The following PARD3B variants were observed in gnomAD, a reference collection of about 807,000 sequenced individuals.
The protein encoded by PARD3B is partitioning defective 3 homolog B.
PARD3B carries 103 observed loss-of-function variants against 130.2 expected under a neutral mutation model. That is an observed-to-expected ratio of 0.79 (90% CI 0.67 to 0.93). PARD3B has a LOEUF of 0.93. PARD3B is among the 40% of genes least tolerant of loss of function. The pLI, the probability that PARD3B is intolerant of heterozygous loss-of-function variation, is 0.00. For synonymous variants in PARD3B, 583 were observed against 553.2 expected (o/e 1.05, Z -0.76); for missense variants, 1,609 against 1,499.2 (o/e 1.07, Z -1.21).
chr2:205,368,322 T>C (rs1235290668), intron 18 of PARD3B, among the ~76,000 whole-genome samples: 1 of 152,166 alleles, frequency 6.6e-6, no homozygotes, highest in Admixed American at 6.5e-5. Flanking sequence ...GAATATCTGA[T>C]ATTATCAGAT....
At chr2:205,250,698 G>A (rs954565390) in intron 16 of PARD3B, among the ~76,000 whole-genome samples, 12 of 152,146 alleles carry the variant, frequency 7.9e-5, no homozygotes, top group African/African-American at 2.7e-4. Flanking sequence ...GGAGGCCAAG[G>A]CAGGTGGATC....
chr2:204,996,625 G>A (rs1303428307), intron 3 of PARD3B, among the ~76,000 whole-genome samples: 2,576 of 150,644 alleles, frequency 0.017, 35 homozygotes, highest in African/African-American at 0.039. Context: ...CGAGCTTCCC[G>A]GCTGCTTTGT....
intron 19 of PARD3B, among the ~76,000 whole-genome samples, chr2:205,411,013 A>G (rs2046578847): frequency 6.6e-6 from 1 of 152,146 alleles, no homozygotes; most frequent in East Asian, 1.9e-4. Context: ...AGCTTTTTAC[A>G]TCAGTGGTTC....
chr2:205,296,324 A>G (rs770862082), intron 16 of PARD3B, among the ~76,000 whole-genome samples: 2 of 152,162 alleles, frequency 1.3e-5, no homozygotes, highest in Admixed American at 6.5e-5. Flanking sequence ...TTTATTCTCA[A>G]TTATTCAAAT....
chr2:205,055,016 G>A (rs1055497619), intron 4 of PARD3B, among the ~76,000 whole-genome samples: 1 of 152,060 alleles, frequency 6.6e-6, no homozygotes, highest in Non-Finnish European at 1.5e-5. Context: ...TTACATGACT[G>A]CATTTTTTCA....
At chr2:204,763,835 G>A (rs2041014081) in intron 2 of PARD3B, among the ~76,000 whole-genome samples, 1 of 152,100 alleles carries the variant, frequency 6.6e-6, no homozygotes, top group Non-Finnish European at 1.5e-5. Context: ...TTTTATTTTG[G>A]AAAGATAATG....
At chr2:205,323,435 T>G (rs1225955647) in intron 18 of PARD3B, among the ~76,000 whole-genome samples, 1 of 152,136 alleles carries the variant, frequency 6.6e-6, no homozygotes, top group Non-Finnish European at 1.5e-5. Context: ...TAAGGTACAG[T>G]CCTGAGATTA....
intron 6 of PARD3B, among the ~76,000 whole-genome samples, chr2:205,114,927 TGATA>T (rs1703922341): frequency 6.6e-6 from 1 of 152,116 alleles, no homozygotes; most frequent in Non-Finnish European, 1.5e-5. Flanking sequence ...AGGTTGTTTT[TGATA>T]GATAGGGTGA....
intron 18 of PARD3B, among the ~76,000 whole-genome samples, chr2:205,332,328 A>G (rs529410129): frequency 5.0e-4 from 76 of 152,276 alleles, no homozygotes; most frequent in African/African-American, 1.8e-3. Flanking sequence ...ATTTCCTGAA[A>G]TGGACTTGAA....
At chr2:204,954,163 T>C (rs236829) in intron 2 of PARD3B, among the ~76,000 whole-genome samples, 87,580 of 151,988 alleles carry the variant, frequency 0.58, 25,754 homozygotes, top group East Asian at 0.77. Context: ...TAAGGAGATA[T>C]AGAGCAATTA....
chr2:205,579,972 C>G (rs143958823), intron 22 of PARD3B, among the ~76,000 whole-genome samples: 2 of 151,992 alleles, frequency 1.3e-5, no homozygotes, highest in African/African-American at 4.8e-5. Context: ...ATTTAAGTAA[C>G]GGGGGAATAA....
At chr2:205,204,117 G>C (rs1353623676) in intron 15 of PARD3B, among the ~76,000 whole-genome samples, 1 of 152,104 alleles carries the variant, frequency 6.6e-6, no homozygotes, top group Non-Finnish European at 1.5e-5. Flanking sequence ...AGCATCTGTT[G>C]TTTCCTGACT....
chr2:205,060,166 G>A lies in PARD3B; in HGVS notation c.504+12476G>A, dbSNP rs1433612345. Among the ~76,000 whole-genome samples the A allele has an allele frequency of 2.6e-5, 4 of 151,900 alleles. 1 individual carries two copies. The highest frequency in any genetic ancestry group is 9.7e-5 in the African/African-American group (4 of 41,366). On this transcript the variant is annotated intron_variant, in intron 4 of 22. Coordinates refer to ENST00000406610, the MANE Select transcript of PARD3B (RefSeq NM_001302769.2). ...GTCCACATTATGCTGCCATTGCTTT[G>A]GGCAATCTTCCTTTGAAACTGCCTC...
rs781039608 is a variant in PARD3B, at chr2:204,988,775, T to C, written c.394+23452T>C. On this transcript the variant is annotated intron_variant, in intron 3 of 22. Transcript: ENST00000406610. ...ACTTAGTTTCCACTCACATTTAAAA[T>C]AACTGAAAAAGAGAAATGAGAGAAA... 3.3e-4 allele frequency among the ~76,000 whole-genome samples: 50 copies of C among 152,254 alleles called. No homozygotes were observed. The Middle Eastern group carries it at 0.01, about 31-fold the overall frequency.
chr2:205,506,241 G>A (rs1014229252), intron 21 of PARD3B, among the ~76,000 whole-genome samples: 7 of 152,244 alleles, frequency 4.6e-5, no homozygotes, highest in Non-Finnish European at 8.8e-5. Flanking sequence ...GCTGAGGCAG[G>A]AAAATCACTT....
At chr2:205,457,875 T>C (rs1254499306) in intron 20 of PARD3B, among the ~76,000 whole-genome samples, 2 of 152,186 alleles carry the variant, frequency 1.3e-5, no homozygotes. Context: ...ACTGACATTA[T>C]GTTCAAATGA....
At chr2:205,527,551 G>A (rs565341095) in intron 21 of PARD3B, among the ~76,000 whole-genome samples, 1 of 152,266 alleles carries the variant, frequency 6.6e-6, no homozygotes, top group East Asian at 1.9e-4. Context: ...GGCAGTTAAA[G>A]ATGTGGCTAC....
intron 2 of PARD3B, among the ~76,000 whole-genome samples, chr2:204,915,388 A>T (rs1409796935): frequency 6.6e-6 from 1 of 152,142 alleles, no homozygotes; most frequent in Non-Finnish European, 1.5e-5. Flanking sequence ...TTTATGATTA[A>T]TTTTCATTAT....
At chr2:205,399,131 A>G (rs1445476177) in intron 18 of PARD3B, among the ~76,000 whole-genome samples, 4 of 151,860 alleles carry the variant, frequency 2.6e-5, no homozygotes, top group South Asian at 2.1e-4. Flanking sequence ...TTAGCTGGGC[A>G]TGGTGGTGCA....
Sources: allele counts gnomAD v4.1 joint callset (sites outside exome capture counted in the v4.1 genomes callset), GRCh38; gene constraint gnomAD v4.1.1; transcripts MANE v1.5; gene names NCBI Gene and HGNC (gene_info 2026-07-23, HGNC 2026-07-21).